The following ADK variants were observed in gnomAD, a reference collection of about 807,000 sequenced individuals.
ADK encodes adenosine kinase, also known as N6,N6-dimethyladenosine kinase.
In ADK, 24 loss-of-function variants were observed where a neutral mutation model predicts 44.7. That is an observed-to-expected ratio of 0.54 (90% CI 0.39 to 0.76). The LOEUF is 0.76. ADK is among the 30% of genes least tolerant of loss of function. ADK has a pLI of 0.00. For missense variants in ADK, 321 were observed against 425.1 expected, an observed-to-expected ratio of 0.76 and a Z score of 2.15; for synonymous variants, 128 against 142.6, an observed-to-expected ratio of 0.90 and a Z score of 0.73.
At chr10:74,609,511 A>T (rs1852463439) in intron 9 of ADK, among the ~76,000 whole-genome samples, 1 of 151,990 alleles carries the variant, frequency 6.6e-6, no homozygotes, top group African/African-American at 2.4e-5. Flanking sequence ...GACCCCTTGC[A>T]CTTCCCCGGT....
chr10:74,454,549 A>G (rs1346196394), intron 6 of ADK, among the ~76,000 whole-genome samples: 1 of 152,206 alleles, frequency 6.6e-6, no homozygotes, highest in Non-Finnish European at 1.5e-5. Flanking sequence ...TTAAGCAGTT[A>G]ACTTCTGAAT....
At chr10:74,536,816 AG>A (rs1332142462) in intron 7 of ADK, among the ~76,000 whole-genome samples, 1 of 152,188 alleles carries the variant, frequency 6.6e-6, no homozygotes, top group East Asian at 1.9e-4. Flanking sequence ...TCCATGTTAT[AG>A]CATGTTATCA....
intron 3 of ADK, among the ~76,000 whole-genome samples, chr10:74,311,193 A>G (rs1449535269): frequency 6.6e-6 from 1 of 152,196 alleles, no homozygotes; most frequent in African/African-American, 2.4e-5. Flanking sequence ...CAAAAAGATT[A>G]CATTGTGCAT....
At chr10:74,251,538 G>C (rs1261108644) in intron 3 of ADK, among the ~76,000 whole-genome samples, 1 of 152,018 alleles carries the variant, frequency 6.6e-6, no homozygotes. Flanking sequence ...TAAGCATTTT[G>C]CATTCATCAT....
chr10:74,549,390 T>C (rs1321466278), intron 7 of ADK, among the ~76,000 whole-genome samples: 1 of 152,174 alleles, frequency 6.6e-6, no homozygotes, highest in Non-Finnish European at 1.5e-5. Flanking sequence ...TTAAAATCTT[T>C]TTATATGTGC....
At chr10:74,706,641 C>T (rs960684966) in intron 10 of ADK, among the ~76,000 whole-genome samples, 4 of 152,144 alleles carry the variant, frequency 2.6e-5, no homozygotes, top group African/African-American at 7.2e-5. Flanking sequence ...TGGTTATTAT[C>T]ATTCTATAAT....
intron 10 of ADK, among the ~76,000 whole-genome samples, chr10:74,705,236 A>C (rs925553855): frequency 6.6e-6 from 1 of 152,232 alleles, no homozygotes; most frequent in Non-Finnish European, 1.5e-5. Context: ...GCCTAGCTGC[A>C]GCACAGTTTC....
At chr10:74,655,909 G>T in intron 9 of ADK, 2 of 677,584 alleles carry the variant, frequency 3.0e-6, no homozygotes, top group Non-Finnish European at 5.6e-6. Flanking sequence ...CTGACAGAGG[G>T]TCAGGTTGGC....
At chr10:74,678,224 A>G (rs1855476745) in intron 10 of ADK, among the ~76,000 whole-genome samples, 1 of 152,088 alleles carries the variant, frequency 6.6e-6, no homozygotes, top group African/African-American at 2.4e-5. Flanking sequence ...AGAGAGAGCT[A>G]TACCCTTGCA....
chr10:74,175,866 G>C (rs1842312767), intron 1 of ADK, among the ~76,000 whole-genome samples: 4 of 152,166 alleles, frequency 2.6e-5, no homozygotes, highest in Admixed American at 2.0e-4. Context: ...TTTCATAGTT[G>C]GAGTTAATTT....
intron 1 of ADK, among the ~76,000 whole-genome samples, chr10:74,151,855 A>C (rs896497816): frequency 1.3e-5 from 2 of 152,238 alleles, no homozygotes; most frequent in Admixed American, 6.5e-5. Flanking sequence ...CCAGGGACCC[A>C]GACCCCTCCG....
At chr10:74,379,703 G>C (rs908726191) in intron 4 of ADK, among the ~76,000 whole-genome samples, 2 of 152,132 alleles carry the variant, frequency 1.3e-5, no homozygotes, top group African/African-American at 2.4e-5. Flanking sequence ...CAGCTCATTT[G>C]CATGTTTCAC....
intron 1 of ADK, among the ~76,000 whole-genome samples, chr10:74,159,022 T>G (rs1433301419): frequency 6.6e-6 from 1 of 152,194 alleles, no homozygotes; most frequent in African/African-American, 2.4e-5. Flanking sequence ...AGAAGATACA[T>G]TCTGATGATT....
At chr10:74,298,161 A>G (rs1262668484) in intron 3 of ADK, among the ~76,000 whole-genome samples, 1 of 152,216 alleles carries the variant, frequency 6.6e-6, no homozygotes, top group Non-Finnish European at 1.5e-5. Flanking sequence ...AAGCACTTAC[A>G]GTGTTCCAAA....
Position 74,411,950 on chromosome 10 carries a change from T to C in ADK, c.555+13371T>C, listed in dbSNP as rs1844196333. On this transcript the variant is annotated intron_variant, in intron 6 of 10. Transcript: ENST00000539909. ...CCATGTCAAGAAACCACTCTCTGTGTTCATCTATAAGAAGCAATTTCTCAT... is the reference window on the plus strand; with the variant it reads ...CCATGTCAAGAAACCACTCTCTGTGCTCATCTATAAGAAGCAATTTCTCAT... 3.9e-5 allele frequency among the ~76,000 whole-genome samples: 6 copies of C among 152,198 alleles called. No individual in the cohort carries two copies. The South Asian group carries it at 1.2e-3, about 32-fold the overall frequency.
chr10:74,341,606 T>C (rs2131875952), intron 4 of ADK, among the ~76,000 whole-genome samples: 1 of 152,306 alleles, frequency 6.6e-6, no homozygotes. Flanking sequence ...TGGCTGTCCT[T>C]CTTAACTTCT....
intron 6 of ADK, among the ~76,000 whole-genome samples, chr10:74,405,838 A>G (rs1245018745): frequency 6.6e-6 from 1 of 152,174 alleles, no homozygotes; most frequent in Non-Finnish European, 1.5e-5. Context: ...CCAAATGTGT[A>G]TGTGCCTCAG....
intron 6 of ADK, among the ~76,000 whole-genome samples, chr10:74,474,357 C>G (rs1846729751): frequency 6.6e-6 from 1 of 152,224 alleles, no homozygotes; most frequent in Non-Finnish European, 1.5e-5. Context: ...CCCTCCTCAG[C>G]CTCCCAAAGT....
intron 9 of ADK, among the ~76,000 whole-genome samples, chr10:74,606,193 G>T (rs1196086307): frequency 3.9e-5 from 6 of 152,080 alleles, no homozygotes; most frequent in African/African-American, 1.2e-4. Flanking sequence ...CAAAAAACCA[G>T]CTCCTGGATT....
Sources: gnomAD v4.1 joint callset for allele counts (sites outside exome capture counted in the v4.1 genomes callset) on GRCh38, gnomAD v4.1.1 for gene constraint, MANE v1.5 for transcripts, NCBI Gene and HGNC (gene_info 2026-07-23, HGNC 2026-07-21) for gene names.